VPS13B: variants seen among roughly 807,000 people sequenced by gnomAD.
VPS13B encodes the protein vacuolar protein sorting 13 homolog B.
VPS13B carries 285 observed loss-of-function variants against 426.4 expected under a neutral mutation model. That is an observed-to-expected ratio of 0.67 (90% CI 0.61 to 0.74). The LOEUF is 0.74. VPS13B is among the 30% of genes least tolerant of loss of function. The probability of loss-of-function intolerance (pLI) is 0.00; values close to 1 mark genes in which losing one functional copy is unlikely to be tolerated. For synonymous variants in VPS13B, 1,676 were observed against 1,676.4 expected, an observed-to-expected ratio of 1.00 and a Z score of 0.01; for missense variants, 4,537 against 4,782.6, an observed-to-expected ratio of 0.95 and a Z score of 1.51.
intron 17 of VPS13B, among the ~76,000 whole-genome samples, chr8:99,222,982 G>A (rs1396220026): frequency 3.9e-5 from 6 of 151,970 alleles, no homozygotes; most frequent in Non-Finnish European, 8.8e-5. Flanking sequence ...GATTACAGGT[G>A]CACACCACCA....
intron 23 of VPS13B, among the ~76,000 whole-genome samples, chr8:99,458,146 C>T (rs1362255838): frequency 1.4e-5 from 2 of 148,074 alleles, no homozygotes; most frequent in African/African-American, 5.0e-5. Flanking sequence ...CAATTCCCAC[C>T]TATGAGTGAG....
intron 30 of VPS13B, among the ~76,000 whole-genome samples, chr8:99,540,235 A>G (rs1211434571): frequency 6.7e-6 from 1 of 149,574 alleles, no homozygotes; most frequent in Non-Finnish European, 1.5e-5. Context: ...ACCCGCCACC[A>G]TACCTGGCTA....
intron 43 of VPS13B, among the ~76,000 whole-genome samples, chr8:99,802,675 AC>A (rs1216337366): frequency 6.6e-6 from 1 of 152,148 alleles, no homozygotes; most frequent in Non-Finnish European, 1.5e-5. Flanking sequence ...TATTTGTTTT[AC>A]AAAAATGGGG....
At chr8:99,549,915 T>G (rs1824188519) in intron 30 of VPS13B, among the ~76,000 whole-genome samples, 1 of 152,140 alleles carries the variant, frequency 6.6e-6, no homozygotes. Flanking sequence ...CTATGTTGCC[T>G]TCCTCTTTCC....
chr8:99,866,334 T>C (rs1248525701), intron 58 of VPS13B, among the ~76,000 whole-genome samples: 1 of 152,210 alleles, frequency 6.6e-6, no homozygotes, highest in East Asian at 1.9e-4. Context: ...GCTGGTCTCT[T>C]AGCCTCTCTG....
chr8:99,259,672 T>A (rs887975319), intron 17 of VPS13B, among the ~76,000 whole-genome samples: 16 of 152,068 alleles, frequency 1.1e-4, no homozygotes, highest in Admixed American at 7.9e-4. Flanking sequence ...CATTCAGATT[T>A]TAATTTCTTG....
At position 99,360,188 on chromosome 8, in the gene VPS13B, TTCTCTC is replaced by T. The variant is rs778981940; in HGVS notation, c.2825-24002_2825-23997del. Among the ~76,000 whole-genome samples the T allele has an allele frequency of 2.9e-3, 81 of 28,036 alleles. 2 individuals carry two copies. The highest frequency in any genetic ancestry group is 7.3e-3 in the Admixed American group (21 of 2,880). 18.4% of individuals were successfully genotyped at this position (28,036 alleles called of 152,430 possible). On this transcript the variant is annotated intron_variant, in intron 19 of 61. Transcript: ENST00000357162. ...TTTCTTTCTTTCTTTCTTTCTTTCTTTCTCTCTCTCTCTCTCTCTCTCTTTCTTTCT... is the reference window on the plus strand; with the variant it reads ...TTTCTTTCTTTCTTTCTTTCTTTCTTTCTCTCTCTCTCTCTCTTTCTTTCT...
chr8:99,722,495 T>A (rs1185618171), intron 39 of VPS13B, among the ~76,000 whole-genome samples: 2 of 151,600 alleles, frequency 1.3e-5, no homozygotes, highest in Non-Finnish European at 2.9e-5. Flanking sequence ...CATATTACAA[T>A]CTTATGTAAT....
At chr8:99,179,988 G>C (rs1411683903) in intron 16 of VPS13B, among the ~76,000 whole-genome samples, 1 of 152,090 alleles carries the variant, frequency 6.6e-6, no homozygotes, top group African/African-American at 2.4e-5. Flanking sequence ...TAAAATTTTA[G>C]TGACTTTTCC....
chr8:99,292,966 G>C (rs1819818291), intron 19 of VPS13B, among the ~76,000 whole-genome samples: 1 of 152,076 alleles, frequency 6.6e-6, no homozygotes, highest in South Asian at 2.1e-4. Context: ...AAATAGCATG[G>C]AGTGAAGACT....
intron 23 of VPS13B, among the ~76,000 whole-genome samples, chr8:99,456,273 A>G (rs1212952983): frequency 6.6e-6 from 1 of 152,078 alleles, no homozygotes; most frequent in Admixed American, 6.5e-5. Context: ...GGTTCAAGTG[A>G]TTCTCGTGCC....
intron 31 of VPS13B, among the ~76,000 whole-genome samples, chr8:99,572,977 T>C (rs1379778566): frequency 6.6e-6 from 1 of 152,234 alleles, no homozygotes; most frequent in Non-Finnish European, 1.5e-5. Context: ...GTTTCCTGAC[T>C]TTTTAATGAT....
In VPS13B at chr8:99,431,559, T is replaced by C; in HGVS notation, c.3105T>C (p.Pro1035=). The change falls in exon 22 of 62, where the codon CCT becomes CCC. Residue 1035 remains proline, a synonymous_variant. Coordinates refer to ENST00000357162, the MANE Select transcript of VPS13B (RefSeq NM_152564.5). Reference sequence around the variant, plus strand: ...CAGAATCCCGCCCATTGTCAGTTCCTGTTAAAGCCATGTTGAATATATCTG... The same window carrying C: ...CAGAATCCCGCCCATTGTCAGTTCCCGTTAAAGCCATGTTGAATATATCTG... The part of the protein sequence containing the change: ...TVTESRPLSV[P]VKAMLNISES... The C allele has an allele frequency of 1.2e-6, 2 of 1,613,526 alleles. No individual in the cohort carries two copies. Among genetic ancestry groups the C allele is most frequent in the Non-Finnish European group, 1.7e-6 (2 of 1,179,758 alleles).
chr8:99,259,723 T>C (rs1817946280), intron 17 of VPS13B, among the ~76,000 whole-genome samples: 1 of 152,080 alleles, frequency 6.6e-6, no homozygotes, highest in African/African-American at 2.4e-5. Context: ...TAAAATGTGA[T>C]CCTTAGTGGG....
chr8:99,151,243 A>G lies in VPS13B; in HGVS notation c.2013+3233A>G, dbSNP rs1160124724. 2.0e-5 allele frequency among the ~76,000 whole-genome samples: 3 copies of G among 152,238 alleles called. No individual in the cohort carries two copies. The East Asian group carries it at 5.8e-4, about 29-fold the overall frequency. On this transcript the variant is annotated intron_variant, in intron 14 of 61. Coordinates refer to ENST00000357162, the MANE Select transcript of VPS13B (RefSeq NM_152564.5). Reference sequence around the variant, plus strand: ...GAGTTGTTTGTTTTCTTAATATTGAATTTTAAGGATTCCTTGTATATTTTG... The same window carrying G: ...GAGTTGTTTGTTTTCTTAATATTGAGTTTTAAGGATTCCTTGTATATTTTG...
At chr8:99,173,142 A>G (rs78688730) in intron 16 of VPS13B, among the ~76,000 whole-genome samples, 35 of 152,268 alleles carry the variant, frequency 2.3e-4, no homozygotes, top group African/African-American at 7.9e-4. Flanking sequence ...TGTTGATTTT[A>G]ACTAGCAAAG....
At chr8:99,772,691 T>C (rs1056083371) in intron 40 of VPS13B, among the ~76,000 whole-genome samples, 1 of 152,274 alleles carries the variant, frequency 6.6e-6, no homozygotes, top group African/African-American at 2.4e-5. Flanking sequence ...CCTTTTCCCC[T>C]GTTTTATATG....
intron 3 of VPS13B, among the ~76,000 whole-genome samples, chr8:99,085,225 T>G (rs1410572039): frequency 6.6e-6 from 1 of 152,190 alleles, no homozygotes; most frequent in African/African-American, 2.4e-5. Flanking sequence ...CTTTGTCTCT[T>G]TTGATCTTTG....
intron 34 of VPS13B, among the ~76,000 whole-genome samples, chr8:99,652,179 G>A (rs758820965): frequency 2.0e-5 from 3 of 152,030 alleles, no homozygotes; most frequent in African/African-American, 4.8e-5. Flanking sequence ...GAAATATGGA[G>A]TCCTATGAGA....
Sources: allele counts gnomAD v4.1 joint callset (sites outside exome capture counted in the v4.1 genomes callset), GRCh38; gene constraint gnomAD v4.1.1; transcripts MANE v1.5; gene names NCBI Gene and HGNC (gene_info 2026-07-23, HGNC 2026-07-21).